The following DTD1 variants were observed in gnomAD, a reference collection of about 807,000 sequenced individuals.
The protein encoded by DTD1 is D-tyrosyl-tRNA deacylase 1 homolog.
A neutral mutation model predicts 25.6 loss-of-function variants in DTD1; 13 were observed. The ratio of observed to expected loss-of-function variants is 0.51; its 90% CI spans 0.33 to 0.81. The LOEUF (loss-of-function observed/expected upper bound fraction) is 0.81, where lower values mean the gene tolerates loss of function less well. Ranked by LOEUF, DTD1 falls within the 30% of genes least tolerant of loss-of-function variation. The probability of loss-of-function intolerance (pLI) is 0.02; values close to 1 mark genes in which losing one functional copy is unlikely to be tolerated. For synonymous variants in DTD1, 110 were observed against 103.6 expected (o/e 1.06, Z -0.37); for missense variants, 193 against 266.4 (o/e 0.72, Z 1.92).
intron 3 of DTD1, among the ~76,000 whole-genome samples, chr20:18,599,674 C>A (rs1219826731): frequency 1.3e-5 from 2 of 152,146 alleles, no homozygotes; most frequent in African/African-American, 4.8e-5. Context: ...CCCATTCTTG[C>A]TAATATTTGG....
At chr20:18,658,545 GTTC>G (rs1452695226) in intron 4 of DTD1, among the ~76,000 whole-genome samples, 1 of 152,138 alleles carries the variant, frequency 6.6e-6, no homozygotes, top group East Asian at 1.9e-4. Flanking sequence ...GAACTTTGAT[GTTC>G]TTTTCTGAGA....
chr20:18,719,567 G>A (rs2122490353), intron 4 of DTD1, among the ~76,000 whole-genome samples: 1 of 152,334 alleles, frequency 6.6e-6, no homozygotes, highest in African/African-American at 2.4e-5. Context: ...GGCGTTGTTT[G>A]TGGTTACCAG....
intron 4 of DTD1, among the ~76,000 whole-genome samples, chr20:18,660,087 A>C (rs2060903927): frequency 6.6e-6 from 1 of 152,002 alleles, no homozygotes; most frequent in Non-Finnish European, 1.5e-5. Context: ...AAAATACAAA[A>C]ATTAGCTATG....
At chr20:18,754,925 A>T (rs550936151) in intron 5 of DTD1, among the ~76,000 whole-genome samples, 1 of 152,350 alleles carries the variant, frequency 6.6e-6, no homozygotes, top group African/African-American at 2.4e-5. Context: ...CATTGATCTT[A>T]TGATTAGGCC....
intron 3 of DTD1, among the ~76,000 whole-genome samples, chr20:18,618,762 G>A (rs2060720500): frequency 6.7e-6 from 1 of 149,512 alleles, no homozygotes; most frequent in African/African-American, 2.5e-5. Context: ...GCCCAGGCTG[G>A]AATGTAATGG....
At chr20:18,658,783 A>T (rs1172289557) in intron 4 of DTD1, among the ~76,000 whole-genome samples, 1 of 152,214 alleles carries the variant, frequency 6.6e-6, no homozygotes, top group South Asian at 2.1e-4. Context: ...GTTAGCATCA[A>T]AGAAGAAAGT....
At chr20:18,757,886 G>A (rs1487786177) in intron 5 of DTD1, among the ~76,000 whole-genome samples, 1 of 152,190 alleles carries the variant, frequency 6.6e-6, no homozygotes, top group Non-Finnish European at 1.5e-5. Context: ...ATTCAGCTGT[G>A]AATCCATCTG....
chr20:18,763,138 G>A (rs2061369245), intron 5 of DTD1, among the ~76,000 whole-genome samples: 1 of 152,162 alleles, frequency 6.6e-6, no homozygotes, highest in African/African-American at 2.4e-5. Flanking sequence ...TCTAAGAATG[G>A]AGTTTTAATG....
intron 4 of DTD1, among the ~76,000 whole-genome samples, chr20:18,685,387 C>T (rs533289035): frequency 1.6e-4 from 24 of 152,318 alleles, no homozygotes; most frequent in Non-Finnish European, 2.5e-4. Context: ...ACATAGCTGC[C>T]AGTTGGCTGC....
At chr20:18,694,981 G>C (rs188807901) in intron 4 of DTD1, among the ~76,000 whole-genome samples, 1 of 152,066 alleles carries the variant, frequency 6.6e-6, no homozygotes, top group Admixed American at 6.6e-5. Context: ...AACGCCCGAC[G>C]TATAGTATAT....
chr20:18,652,766 G>A (rs140646306), intron 4 of DTD1, among the ~76,000 whole-genome samples: 51 of 152,296 alleles, frequency 3.3e-4, no homozygotes, highest in Non-Finnish European at 4.6e-4. Flanking sequence ...ATTTCCATCA[G>A]TATGAAGCAG....
At position 18,765,243 on chromosome 20, in the gene DTD1, G is replaced by A. The variant is rs931727999; in HGVS notation, c.*1903G>A. The A allele has an allele frequency of 6.6e-6, 1 of 152,266 alleles. No homozygotes were observed. Among genetic ancestry groups the A allele is most frequent in the Non-Finnish European group, 1.5e-5 (1 of 68,068 alleles). 9.4% of individuals were successfully genotyped at this position (152,266 alleles called of 1,614,324 possible). A position where few individuals can be genotyped will look rare whatever the true frequency, so the allele number is the denominator to read the frequency against. ...CTCTAAATGTTTGAAAGATGTGGAA[G>A]AGAAGCTGGGTCAGGAACAAAAATA... On this transcript the variant is annotated 3_prime_UTR_variant, in exon 6 of 6. Coordinates refer to ENST00000377452, the MANE Select transcript of DTD1 (RefSeq NM_080820.6).
chr20:18,616,101 G>A (rs1358095825), intron 3 of DTD1, among the ~76,000 whole-genome samples: 1 of 152,192 alleles, frequency 6.6e-6, no homozygotes, highest in Non-Finnish European at 1.5e-5. Flanking sequence ...TATAATGTGG[G>A]ATCGTGTCTT....
intron 4 of DTD1, among the ~76,000 whole-genome samples, chr20:18,739,654 A>G (rs75796994): frequency 0.018 from 2,692 of 152,220 alleles, 33 homozygotes; most frequent in Middle Eastern, 0.037. Context: ...CTTGACATGC[A>G]TCTCCTCTTA....
At chr20:18,738,617 T>G (rs2061265789) in intron 4 of DTD1, among the ~76,000 whole-genome samples, 1 of 152,180 alleles carries the variant, frequency 6.6e-6, no homozygotes, top group Non-Finnish European at 1.5e-5. Context: ...CTGTGTTTAT[T>G]AGGGAGGGAA....
At chr20:18,659,237 G>A (rs2060900328) in intron 4 of DTD1, among the ~76,000 whole-genome samples, 2 of 152,186 alleles carry the variant, frequency 1.3e-5, no homozygotes, top group East Asian at 1.9e-4. Context: ...GCAAGCCTGA[G>A]TCAGGTGCTA....
chr20:18,758,429 A>G (rs1444950366), intron 5 of DTD1, among the ~76,000 whole-genome samples: 1 of 151,722 alleles, frequency 6.6e-6, no homozygotes, highest in African/African-American at 2.4e-5. Flanking sequence ...ATTTCCCTCT[A>G]CACACTGCTT....
intron 5 of DTD1, among the ~76,000 whole-genome samples, chr20:18,750,746 A>AG (rs1210055122): frequency 6.6e-6 from 1 of 152,172 alleles, no homozygotes; most frequent in Non-Finnish European, 1.5e-5. Flanking sequence ...GTGAGGATGC[A>AG]GCTCTATTAT....
intron 4 of DTD1, among the ~76,000 whole-genome samples, chr20:18,694,998 A>G (rs1040318485): frequency 2.6e-5 from 4 of 152,124 alleles, no homozygotes; most frequent in Non-Finnish European, 5.9e-5. Flanking sequence ...ATATGTGCCA[A>G]TAGATTCCCT....
Sources: gnomAD v4.1 joint callset for allele counts (sites outside exome capture counted in the v4.1 genomes callset) on GRCh38, gnomAD v4.1.1 for gene constraint, MANE v1.5 for transcripts, NCBI Gene and HGNC (gene_info 2026-07-23, HGNC 2026-07-21) for gene names.